Variants in SPAG16 observed in about 807,000 individuals in gnomAD.
The protein encoded by SPAG16 is sperm-associated antigen 16 protein.
A neutral mutation model predicts 80.4 loss-of-function variants in SPAG16; 86 were observed. That is an observed-to-expected ratio of 1.07 (90% CI 0.90 to 1.28). The LOEUF is 1.28. Ranked by LOEUF, SPAG16 falls within the 50% of genes most tolerant of loss-of-function variation. SPAG16 has a pLI of 0.00. For synonymous variants in SPAG16, 294 were observed against 265.9 expected, an observed-to-expected ratio of 1.11 and a Z score of -1.03; for missense variants, 870 against 765.3, an observed-to-expected ratio of 1.14 and a Z score of -1.61.
At chr2:214,244,480 A>T in intron 15 of SPAG16, among the ~76,000 whole-genome samples, 1 of 151,784 alleles carries the variant, frequency 6.6e-6, no homozygotes, top group South Asian at 2.1e-4. Flanking sequence ...AAACAAACTA[A>T]GTTTCATAGT....
chr2:213,711,556 T>A (rs1287398225), intron 10 of SPAG16, among the ~76,000 whole-genome samples: 1 of 151,532 alleles, frequency 6.6e-6, no homozygotes, highest in East Asian at 1.9e-4. Flanking sequence ...AGAGTCTTGC[T>A]CTGTTGCTCA....
At chr2:213,651,776 T>A (rs1218793588) in intron 10 of SPAG16, among the ~76,000 whole-genome samples, 1 of 152,202 alleles carries the variant, frequency 6.6e-6, no homozygotes, top group Non-Finnish European at 1.5e-5. Flanking sequence ...TGTTTCGATA[T>A]TGTTTGGGTA....
At chr2:213,989,669 A>G (rs1166557108) in intron 12 of SPAG16, among the ~76,000 whole-genome samples, 6 of 152,142 alleles carry the variant, frequency 3.9e-5, no homozygotes, top group Admixed American at 3.9e-4. Flanking sequence ...TCAAAATTCT[A>G]CTTCCTTAAT....
At chr2:213,872,079 G>A (rs764194028) in intron 11 of SPAG16, among the ~76,000 whole-genome samples, 33 of 152,276 alleles carry the variant, frequency 2.2e-4, no homozygotes, top group Non-Finnish European at 3.7e-4. Flanking sequence ...TTGCAGGTGT[G>A]ATGGAAATCT....
At chr2:213,412,455 T>A (rs992424937) in intron 9 of SPAG16, among the ~76,000 whole-genome samples, 6 of 152,168 alleles carry the variant, frequency 3.9e-5, no homozygotes, top group East Asian at 1.9e-4. Flanking sequence ...TTAAAAAAAA[T>A]AATAATTAGA....
chr2:213,643,233 T>G (rs1464486699), intron 10 of SPAG16, among the ~76,000 whole-genome samples: 10 of 148,404 alleles, frequency 6.7e-5, no homozygotes, highest in African/African-American at 2.5e-4. Context: ...AAACTTGTTT[T>G]TGTTTGTTTG....
intron 10 of SPAG16, among the ~76,000 whole-genome samples, chr2:213,678,241 C>T (rs1051472612): frequency 1.3e-5 from 2 of 151,972 alleles, no homozygotes; most frequent in African/African-American, 4.8e-5. Context: ...ATTCAAAAGC[C>T]AGCAGACGGC....
chr2:214,127,789 G>C (rs989814288), intron 14 of SPAG16, among the ~76,000 whole-genome samples: 1 of 151,856 alleles, frequency 6.6e-6, no homozygotes, highest in Non-Finnish European at 1.5e-5. Flanking sequence ...GGGAAAGCTT[G>C]TCTGGGTGAT....
chr2:213,972,818 A>G (rs1479064742), intron 12 of SPAG16, among the ~76,000 whole-genome samples: 5 of 152,156 alleles, frequency 3.3e-5, no homozygotes, highest in Non-Finnish European at 7.4e-5. Flanking sequence ...ATAACCATAT[A>G]CTTTTTCCCT....
intron 15 of SPAG16, among the ~76,000 whole-genome samples, chr2:214,153,515 G>T (rs1351836943): frequency 1.3e-5 from 2 of 152,048 alleles, no homozygotes; most frequent in East Asian, 3.9e-4. Context: ...CTCGGCGCCT[G>T]GGTGGCTTGC....
intron 15 of SPAG16, among the ~76,000 whole-genome samples, chr2:214,183,194 T>C (rs1307926473): frequency 1.3e-5 from 2 of 152,014 alleles, no homozygotes; most frequent in Non-Finnish European, 2.9e-5. Flanking sequence ...TATTTTTCTA[T>C]TTGTGGTTAT....
Position 213,891,104 on chromosome 2 carries a change from A to G in SPAG16, c.1214+28476A>G, listed in dbSNP as rs143850926. ...TTTACACTTTATTAAACATCATTTT[A>G]TAAACACAGAATATACATTAAAAAG... On this transcript the variant is annotated intron_variant, in intron 11 of 15. Coordinates refer to ENST00000331683, the MANE Select transcript of SPAG16 (RefSeq NM_024532.5). 2.6e-5 allele frequency among the ~76,000 whole-genome samples: 4 copies of G among 152,162 alleles called. No individual in the cohort carries two copies. In the East Asian group the frequency reaches 7.7e-4, roughly 29 times the overall value.
chr2:214,057,588 T>C (rs763778055), intron 13 of SPAG16, among the ~76,000 whole-genome samples: 15 of 152,182 alleles, frequency 9.9e-5, no homozygotes, highest in Non-Finnish European at 1.8e-4. Flanking sequence ...TTAATGAGCA[T>C]TGGCTTCAAC....
At position 213,350,641 on chromosome 2, in the gene SPAG16, G is replaced by A. The variant is rs1209955046; in HGVS notation, c.758G>A (p.Gly253Glu). The change falls in exon 7 of 16, where the codon GGG (glycine) becomes GAG (glutamate). Residue 253 changes from glycine (G) to glutamate (E), a missense_variant. By Grantham distance (98) the Gly-to-Glu change is moderately conservative (BLOSUM62 -2). Transcript: ENST00000331683. ...TCCTTGGAAAGAGACAAAGTAGTTGGGCAGGTAAAGATATAGTCAAAGCTA... is the reference window on the plus strand; with the variant it reads ...TCCTTGGAAAGAGACAAAGTAGTTGAGCAGGTAAAGATATAGTCAAAGCTA... ...LTSLERDKVV[G>E]QISGLQETLK... 4 of 1,565,156 alleles carry A rather than the reference G, an allele frequency of 2.6e-6. No homozygotes were observed. The highest frequency in any genetic ancestry group is 2.6e-6 in the Non-Finnish European group (3 of 1,154,188).
At chr2:213,655,913 G>A (rs60156223) in intron 10 of SPAG16, among the ~76,000 whole-genome samples, 3,934 of 152,128 alleles carry the variant, frequency 0.026, 72 homozygotes, top group African/African-American at 0.046. Flanking sequence ...AAAAATACAC[G>A]AACAATTGTT....
chr2:213,369,875 G>A (rs1398277056), intron 8 of SPAG16, among the ~76,000 whole-genome samples: 1 of 151,984 alleles, frequency 6.6e-6, no homozygotes, highest in Non-Finnish European at 1.5e-5. Flanking sequence ...TGATACAGTT[G>A]TAAAAACTGA....
chr2:214,037,907 G>T (rs2125077562), intron 13 of SPAG16, among the ~76,000 whole-genome samples: 1 of 140,644 alleles, frequency 7.1e-6, no homozygotes, highest in East Asian at 2.0e-4. Context: ...GTGTGTGTGT[G>T]TGTGTGTATC....
At chr2:214,164,449 A>AG (rs755277584) in intron 15 of SPAG16, among the ~76,000 whole-genome samples, 55 of 152,094 alleles carry the variant, frequency 3.6e-4, no homozygotes, top group Non-Finnish European at 6.8e-4. Flanking sequence ...AGAGCATTCC[A>AG]GAAAAAAAAC....
At chr2:213,405,465 C>A (rs919502604) in intron 9 of SPAG16, among the ~76,000 whole-genome samples, 2 of 152,118 alleles carry the variant, frequency 1.3e-5, no homozygotes, top group Non-Finnish European at 2.9e-5. Context: ...ATTTATCATT[C>A]CTTTCTGTTG....
Sources: gnomAD v4.1 joint callset for allele counts (sites outside exome capture counted in the v4.1 genomes callset) on GRCh38, gnomAD v4.1.1 for gene constraint, MANE v1.5 for transcripts, NCBI Gene and HGNC (gene_info 2026-07-23, HGNC 2026-07-21) for gene names.